Variants in ANXA13 observed in about 807,000 individuals in gnomAD.
ANXA13 encodes the protein annexin A13, also known as annexin XIII.
In ANXA13, 36 loss-of-function variants were observed where a neutral mutation model predicts 46.6. The ratio of observed to expected loss-of-function variants is 0.77; its 90% confidence interval spans 0.59 to 1.02. The LOEUF is 1.02. Among genes scored for constraint, ANXA13 ranks in the 50% least tolerant of loss-of-function variants. ANXA13 has a pLI of 0.00. For missense variants in ANXA13, 417 were observed against 396.5 expected, an observed-to-expected ratio of 1.05 and a Z score of -0.44; for synonymous variants, 163 against 152.9, an observed-to-expected ratio of 1.07 and a Z score of -0.49.
chr8:123,712,792 G>T (rs368850792), intron 1 of ANXA13, 39 bp from the exon 2 acceptor site: 67 of 1,572,748 alleles, frequency 4.3e-5, no homozygotes, highest in Non-Finnish European at 5.9e-5. Context: ...GACAATATAC[G>T]CATTCCTAAA....
chr8:123,687,670 A>G (rs901897906), intron 9 of ANXA13, among the ~76,000 whole-genome samples: 4 of 152,232 alleles, frequency 2.6e-5, no homozygotes, highest in Non-Finnish European at 5.9e-5. Flanking sequence ...GAGTTTGGCA[A>G]CTGGAGCACA....
At chr8:123,686,374 C>A (rs535087069) in intron 9 of ANXA13, among the ~76,000 whole-genome samples, 1 of 151,570 alleles carries the variant, frequency 6.6e-6, no homozygotes, top group African/African-American at 2.4e-5. Flanking sequence ...GCATGAGAAC[C>A]ACTTGAACCC....
chr8:123,722,463 C>T (rs191984818), intron 1 of ANXA13, among the ~76,000 whole-genome samples: 26 of 152,006 alleles, frequency 1.7e-4, no homozygotes, highest in South Asian at 1.0e-3. Context: ...GAGACTTGTC[C>T]GGTGACCAGA....
rs114364656 is a variant in ANXA13, at chr8:123,736,767, T to C, written c.15+553A>G. ...TTGCTCTCTGCAAGGCACTATTTACTGCCTTATTTTACATACTTCTTTCTC... is the reference window on the plus strand; with the variant it reads ...TTGCTCTCTGCAAGGCACTATTTACCGCCTTATTTTACATACTTCTTTCTC... On this transcript the variant is annotated intron_variant, in intron 1 of 10. Coordinates refer to ENST00000419625, the MANE Select transcript of ANXA13 (RefSeq NM_004306.4). Among the ~76,000 whole-genome samples, 1,193 of 152,092 alleles carry C rather than the reference T, an allele frequency of 7.8e-3. 17 individuals carry two copies. The highest frequency in any genetic ancestry group is 0.026 in the African/African-American group (1,099 of 41,516).
At chr8:123,694,995 G>A (rs1813304387) in intron 6 of ANXA13, among the ~76,000 whole-genome samples, 1 of 152,170 alleles carries the variant, frequency 6.6e-6, no homozygotes, top group African/African-American at 2.4e-5. Context: ...GGTCTCGGGG[G>A]GCTGTGTCCC....
At chr8:123,686,773 C>A (rs578236378) in intron 9 of ANXA13, among the ~76,000 whole-genome samples, 1 of 152,214 alleles carries the variant, frequency 6.6e-6, no homozygotes, top group Admixed American at 6.5e-5. Context: ...GTGGTGGGAG[C>A]CATTTGACCT....
chr8:123,695,849 C>G, intron 4 of ANXA13, 128 bp from the exon 5 acceptor site: 3 of 803,338 alleles, frequency 3.7e-6, no homozygotes, highest in Admixed American at 4.4e-5. Flanking sequence ...TTAAGATGGT[C>G]ATCCCTATAG....
intron 9 of ANXA13, among the ~76,000 whole-genome samples, chr8:123,687,819 C>T (rs1813167863): frequency 2.0e-5 from 3 of 152,166 alleles, no homozygotes; most frequent in Non-Finnish European, 4.4e-5. Context: ...CATTCCAGGG[C>T]TTGCAGAAAG....
chr8:123,704,880 G>T (rs149673770), intron 2 of ANXA13, among the ~76,000 whole-genome samples: 172 of 152,186 alleles, frequency 1.1e-3, no homozygotes, highest in African/African-American at 3.8e-3. Context: ...TTTCCCAGGC[G>T]ACTTTCGCCC....
intron 9 of ANXA13, among the ~76,000 whole-genome samples, chr8:123,687,865 T>A (rs1344444174): frequency 6.6e-6 from 1 of 152,158 alleles, no homozygotes; most frequent in East Asian, 1.9e-4. Context: ...CCCATGCCCA[T>A]CTCTCTGCTA....
intron 1 of ANXA13, among the ~76,000 whole-genome samples, chr8:123,731,205 C>T (rs1411418758): frequency 1.3e-5 from 2 of 152,128 alleles, no homozygotes; most frequent in Non-Finnish European, 2.9e-5. Flanking sequence ...TGGATTATAC[C>T]AATGATGCGG....
intron 8 of ANXA13, among the ~76,000 whole-genome samples, chr8:123,692,589 G>A (rs1316904052): frequency 1.3e-5 from 2 of 152,154 alleles, no homozygotes; most frequent in African/African-American, 2.4e-5. Context: ...TATCTTTGAG[G>A]TACCTCATAT....
At chr8:123,702,621 G>C (rs1195524160) in intron 3 of ANXA13, 21 bp downstream of exon 3, 3 of 1,605,714 alleles carry the variant, frequency 1.9e-6, no homozygotes. Flanking sequence ...GTGCAAGCTT[G>C]CTGACCACCC....
chr8:123,695,435 C>T, intron 6 of ANXA13, 67 bp downstream of exon 6: 3 of 1,204,706 alleles, frequency 2.5e-6, no homozygotes, highest in Admixed American at 1.9e-5. Flanking sequence ...CCTTTTTCAT[C>T]ATGGTGCCAT....
At chr8:123,710,286 T>G (rs1813630944) in intron 2 of ANXA13, among the ~76,000 whole-genome samples, 1 of 152,194 alleles carries the variant, frequency 6.6e-6, no homozygotes, top group Non-Finnish European at 1.5e-5. Flanking sequence ...TGATTCTATT[T>G]ATGTGAAATG....
chr8:123,732,672 G>GTTTT (rs1299531790), intron 1 of ANXA13, among the ~76,000 whole-genome samples: 4 of 144,054 alleles, frequency 2.8e-5, no homozygotes, highest in Non-Finnish European at 4.6e-5. Context: ...TGGCTGGTTT[G>GTTTT]TTTTTTTTTT....
intron 1 of ANXA13, among the ~76,000 whole-genome samples, chr8:123,729,614 T>A (rs1814071920): frequency 6.6e-6 from 1 of 152,146 alleles, no homozygotes; most frequent in Non-Finnish European, 1.5e-5. Context: ...CTTGAACACA[T>A]GACAGTTATC....
chr8:123,721,927 G>A (rs1813880822), intron 1 of ANXA13, among the ~76,000 whole-genome samples: 1 of 152,152 alleles, frequency 6.6e-6, no homozygotes, highest in Admixed American at 6.6e-5. Flanking sequence ...ATGCAGTCTG[G>A]ATTCAGAAAC....
intron 8 of ANXA13, among the ~76,000 whole-genome samples, chr8:123,692,905 A>C (rs1281208407): frequency 6.6e-6 from 1 of 151,080 alleles, no homozygotes; most frequent in Non-Finnish European, 1.5e-5. Flanking sequence ...CAGCCTGGGT[A>C]CTGCATCTGG....
Sources: allele counts gnomAD v4.1 joint callset (sites outside exome capture counted in the v4.1 genomes callset), GRCh38; gene constraint gnomAD v4.1.1; transcripts MANE v1.5; gene names NCBI Gene and HGNC (gene_info 2026-07-23, HGNC 2026-07-21).